KIAA1217: variants seen among roughly 807,000 people sequenced by gnomAD.
KIAA1217 encodes the protein sickle tail protein homolog.
KIAA1217 carries 88 observed loss-of-function variants against 163.9 expected under a neutral mutation model. That is an observed-to-expected ratio of 0.54 (90% CI 0.45 to 0.64). The LOEUF is 0.64. Among genes scored for constraint, KIAA1217 ranks in the 30% least tolerant of loss-of-function variants. The pLI, the probability that KIAA1217 is intolerant of heterozygous loss-of-function variation, is 0.00. For synonymous variants in KIAA1217, 903 were observed against 923.1 expected, an observed-to-expected ratio of 0.98 and a Z score of 0.39; for missense variants, 2,372 against 2,475.0, an observed-to-expected ratio of 0.96 and a Z score of 0.88.
intron 1 of KIAA1217, among the ~76,000 whole-genome samples, chr10:23,923,789 C>T (rs1160666693): frequency 6.6e-6 from 1 of 152,138 alleles, no homozygotes; most frequent in Non-Finnish European, 1.5e-5. Context: ...GGGAACAAAT[C>T]TGAGTGGTTT....
chr10:24,270,870 T>C (rs2076707538), intron 2 of KIAA1217, among the ~76,000 whole-genome samples: 1 of 152,196 alleles, frequency 6.6e-6, no homozygotes, highest in South Asian at 2.1e-4. Context: ...TTGATGATAT[T>C]TGGGAGTAAC....
chr10:24,427,053 A>G (rs1455733492), intron 3 of KIAA1217, among the ~76,000 whole-genome samples: 1 of 152,138 alleles, frequency 6.6e-6, no homozygotes, highest in Non-Finnish European at 1.5e-5. Context: ...AAATGTGAGT[A>G]AGAGATCTTG....
At chr10:24,139,168 CT>C (rs2063952041) in intron 2 of KIAA1217, among the ~76,000 whole-genome samples, 1 of 151,994 alleles carries the variant, frequency 6.6e-6, no homozygotes, top group East Asian at 1.9e-4. Context: ...CACTTTTAAG[CT>C]TAGGAATTCC....
chr10:24,083,067 C>A (rs890198158), intron 2 of KIAA1217, among the ~76,000 whole-genome samples: 2 of 152,002 alleles, frequency 1.3e-5, no homozygotes, highest in Non-Finnish European at 2.9e-5. Flanking sequence ...CTTTTCATAT[C>A]CTTTGGGCAT....
intron 1 of KIAA1217, among the ~76,000 whole-genome samples, chr10:23,702,664 A>AAC (rs1163522532): frequency 2.6e-5 from 3 of 114,590 alleles, no homozygotes; most frequent in African/African-American, 3.8e-5. Flanking sequence ...AGAACAGGAG[A>AAC]ATACACACAC....
intron 2 of KIAA1217, among the ~76,000 whole-genome samples, chr10:24,314,742 A>T (rs772397425): frequency 1.3e-5 from 2 of 151,984 alleles, no homozygotes; most frequent in Non-Finnish European, 2.9e-5. Context: ...GGAGATTGAG[A>T]CCATCCTGGC....
chr10:23,727,796 A>G (rs944155829), intron 1 of KIAA1217, among the ~76,000 whole-genome samples: 1 of 151,974 alleles, frequency 6.6e-6, no homozygotes, highest in Admixed American at 6.6e-5. Context: ...TCCCTCCTCT[A>G]GACCCCCCAC....
At chr10:24,127,395 C>T (rs888313817) in intron 2 of KIAA1217, among the ~76,000 whole-genome samples, 7 of 152,018 alleles carry the variant, frequency 4.6e-5, no homozygotes, top group African/African-American at 9.7e-5. Context: ...TTTCTGAAAT[C>T]GTGCAAATGT....
upstream of KIAA1217, among the ~76,000 whole-genome samples, chr10:24,205,844 A>G (rs556402723): frequency 5.3e-5 from 8 of 152,220 alleles, no homozygotes; most frequent in South Asian, 1.5e-3. Flanking sequence ...CCACAACCCT[A>G]TAATTGGCCT....
intron 2 of KIAA1217, among the ~76,000 whole-genome samples, chr10:24,280,835 C>T (rs577076143): frequency 1.3e-5 from 2 of 151,264 alleles, no homozygotes; most frequent in South Asian, 4.2e-4. Context: ...AAGAATAAAC[C>T]TAATTATACT....
At chr10:24,404,026 A>G (rs2131150070) in intron 3 of KIAA1217, among the ~76,000 whole-genome samples, 1 of 152,212 alleles carries the variant, frequency 6.6e-6, no homozygotes, top group East Asian at 1.9e-4. Flanking sequence ...GCGTAATCAC[A>G]GTTCCACCAT....
chr10:23,714,227 G>A (rs1166254258), intron 1 of KIAA1217, among the ~76,000 whole-genome samples: 1 of 148,216 alleles, frequency 6.7e-6, no homozygotes, highest in African/African-American at 2.6e-5. Flanking sequence ...TGATGTTTCA[G>A]CTGGAACTAT....
At chr10:24,124,153 T>C (rs1009139243) in intron 2 of KIAA1217, among the ~76,000 whole-genome samples, 2 of 152,130 alleles carry the variant, frequency 1.3e-5, no homozygotes, top group African/African-American at 4.8e-5. Context: ...AAGTTCTTTT[T>C]CTATGCTTTC....
At chr10:24,374,038 A>G (rs2052092041) in intron 2 of KIAA1217, among the ~76,000 whole-genome samples, 1 of 152,260 alleles carries the variant, frequency 6.6e-6, no homozygotes, top group South Asian at 2.1e-4. Context: ...AAAATCATGA[A>G]TAACGTCTGG....
At chr10:24,267,949 A>G (rs1314844791) in intron 2 of KIAA1217, among the ~76,000 whole-genome samples, 1 of 152,156 alleles carries the variant, frequency 6.6e-6, no homozygotes, top group Non-Finnish European at 1.5e-5. Flanking sequence ...ACACCTAATT[A>G]AAGAGATAAT....
intron 1 of KIAA1217, among the ~76,000 whole-genome samples, chr10:23,849,785 A>G (rs1358821065): frequency 1.3e-5 from 2 of 152,214 alleles, no homozygotes; most frequent in East Asian, 1.9e-4. Flanking sequence ...AGAACTGGTC[A>G]AAAGACTTTC....
At chr10:24,226,156 G>T (rs1388968695) in intron 2 of KIAA1217, among the ~76,000 whole-genome samples, 1 of 144,656 alleles carries the variant, frequency 6.9e-6, no homozygotes, top group African/African-American at 2.5e-5. Flanking sequence ...AGGTCTCCAG[G>T]AAAAAAAAAA....
chr10:23,902,249 C>T (rs1274136286), intron 1 of KIAA1217, among the ~76,000 whole-genome samples: 2 of 152,052 alleles, frequency 1.3e-5, no homozygotes, highest in East Asian at 3.9e-4. Context: ...GGCCATTATC[C>T]TTAGCAAACT....
intron 1 of KIAA1217, among the ~76,000 whole-genome samples, chr10:23,708,721 G>C (rs1258347769): frequency 1.3e-5 from 2 of 152,216 alleles, no homozygotes; most frequent in African/African-American, 4.8e-5. Flanking sequence ...TCAAAGAGGA[G>C]TGCAGATTTA....
Sources: allele counts gnomAD v4.1 joint callset (sites outside exome capture counted in the v4.1 genomes callset), GRCh38; gene constraint gnomAD v4.1.1; transcripts MANE v1.5; gene names NCBI Gene and HGNC (gene_info 2026-07-23, HGNC 2026-07-21).